The following PCDH15 variants were observed in gnomAD, a reference collection of about 807,000 sequenced individuals.
The protein encoded by PCDH15 is protocadherin-15.
In PCDH15, 129 loss-of-function variants were observed where a neutral mutation model predicts 178.5. The ratio of observed to expected loss-of-function variants is 0.72; its 90% CI spans 0.63 to 0.84. PCDH15 has a LOEUF of 0.84. Ranked by LOEUF, PCDH15 falls within the 40% of genes least tolerant of loss-of-function variation. The pLI is 0.00. For synonymous variants in PCDH15, 800 were observed against 732.0 expected (o/e 1.09, Z -1.50); for missense variants, 2,230 against 2,099.9 (o/e 1.06, Z -1.21).
chr10:54,067,651 G>A (rs191874779), intron 17 of PCDH15, among the ~76,000 whole-genome samples: 9 of 152,262 alleles, frequency 5.9e-5, no homozygotes, highest in African/African-American at 1.4e-4. Context: ...ACCTAGCTCT[G>A]TCACAGTGTG....
chr10:54,864,398 CA>C (rs1335642755), intron 3 of PCDH15, among the ~76,000 whole-genome samples: 14 of 151,792 alleles, frequency 9.2e-5, no homozygotes, highest in Middle Eastern at 3.4e-3. Context: ...TGTTGAATAC[CA>C]TAATATGGTA....
At chr10:53,822,134 C>T (rs771346976) in intron 32 of PCDH15, 9 of 1,614,008 alleles carry the variant, frequency 5.6e-6, no homozygotes, top group South Asian at 1.1e-5. Flanking sequence ...TTGTTGATAG[C>T]TGTGTCATAG....
intron 1 of PCDH15, among the ~76,000 whole-genome samples, chr10:55,263,401 C>A (rs1842197419): frequency 6.6e-6 from 1 of 152,160 alleles, no homozygotes; most frequent in Admixed American, 6.5e-5. Flanking sequence ...CCTAGAGGTG[C>A]CACCTATGCC....
chr10:55,086,685 G>T (rs1168950304), intron 2 of PCDH15, among the ~76,000 whole-genome samples: 1 of 152,018 alleles, frequency 6.6e-6, no homozygotes, highest in African/African-American at 2.4e-5. Context: ...ATGGAATTCT[G>T]TGAACATGAA....
intron 2 of PCDH15, among the ~76,000 whole-genome samples, chr10:55,132,565 T>C (rs1272225871): frequency 1.3e-5 from 2 of 152,166 alleles, no homozygotes; most frequent in African/African-American, 4.8e-5. Flanking sequence ...TACAACTTCA[T>C]ACTTACAAAT....
intron 20 of PCDH15, among the ~76,000 whole-genome samples, chr10:54,001,845 A>G (rs2092152732): frequency 1.3e-5 from 2 of 152,030 alleles, no homozygotes; most frequent in Non-Finnish European, 2.9e-5. Flanking sequence ...TTCACCTATA[A>G]AGACACACAT....
At chr10:54,235,268 ATAG>A (rs772286060) in intron 9 of PCDH15, among the ~76,000 whole-genome samples, 9 of 152,328 alleles carry the variant, frequency 5.9e-5, no homozygotes, top group Admixed American at 1.3e-4. Context: ...CTTACTTATT[ATAG>A]TAAATGTTTA....
At chr10:55,579,534 T>C (rs566525833) in intron 2 of PCDH15, among the ~76,000 whole-genome samples, 1 of 152,326 alleles carries the variant, frequency 6.6e-6, no homozygotes, top group East Asian at 1.9e-4. Context: ...TCCTCAAGAT[T>C]CTAACTAGAC....
chr10:54,067,828 T>TA (rs1325519306), intron 17 of PCDH15, among the ~76,000 whole-genome samples: 1 of 152,148 alleles, frequency 6.6e-6, no homozygotes, highest in East Asian at 1.9e-4. Context: ...ACCTTTTGTT[T>TA]AAAAAAATGC....
intron 2 of PCDH15, among the ~76,000 whole-genome samples, chr10:55,538,136 G>T (rs181582015): frequency 2.6e-5 from 4 of 152,218 alleles, no homozygotes; most frequent in Admixed American, 2.0e-4. Flanking sequence ...CAGCCTGCAG[G>T]ATCACAGATG....
chr10:53,847,313 A>T (rs2078038189), intron 28 of PCDH15, among the ~76,000 whole-genome samples: 1 of 152,092 alleles, frequency 6.6e-6, no homozygotes, highest in Admixed American at 6.5e-5. Flanking sequence ...CTAGCATCAT[A>T]GAGAGTTCCA....
chr10:53,997,182 G>A (rs1014653991), intron 20 of PCDH15, among the ~76,000 whole-genome samples: 21 of 152,094 alleles, frequency 1.4e-4, no homozygotes, highest in African/African-American at 4.8e-4. Flanking sequence ...TTGAAATACA[G>A]TATTCACCAT....
At chr10:54,597,420 C>T (rs1322860169) in intron 2 of PCDH15, among the ~76,000 whole-genome samples, 2 of 151,982 alleles carry the variant, frequency 1.3e-5, no homozygotes, top group African/African-American at 2.4e-5. Flanking sequence ...ATATAATATA[C>T]CAGAATCTCT....
At chr10:55,461,369 G>A (rs981536597) in intron 2 of PCDH15, among the ~76,000 whole-genome samples, 1 of 152,094 alleles carries the variant, frequency 6.6e-6, no homozygotes, top group Non-Finnish European at 1.5e-5. Flanking sequence ...TTTTAGCCAG[G>A]ATGGCTTTCA....
intron 8 of PCDH15, among the ~76,000 whole-genome samples, chr10:54,308,084 A>G (rs2060663476): frequency 1.3e-5 from 2 of 152,094 alleles, no homozygotes; most frequent in African/African-American, 4.8e-5. Context: ...AGTAAGCAAC[A>G]TACCCAACAT....
At chr10:54,831,778 C>CA (rs976491247) in intron 3 of PCDH15, among the ~76,000 whole-genome samples, 7 of 151,464 alleles carry the variant, frequency 4.6e-5, no homozygotes, top group South Asian at 2.1e-4. Context: ...ATTTTACTAC[C>CA]AAAAAAACAC....
chr10:54,417,347 T>C (rs1276906055), intron 3 of PCDH15, among the ~76,000 whole-genome samples: 1 of 152,068 alleles, frequency 6.6e-6, no homozygotes, highest in Non-Finnish European at 1.5e-5. Context: ...ACAGAAGAGG[T>C]CTGAGATCTT....
intron 5 of PCDH15, among the ~76,000 whole-genome samples, chr10:54,361,128 A>G (rs1005371879): frequency 1.1e-4 from 16 of 152,046 alleles, no homozygotes; most frequent in African/African-American, 3.9e-4. Flanking sequence ...GGATTCATGT[A>G]TATACCAAAA....
rs571701318 is a variant in PCDH15, at chr10:54,739,389, G to C, written c.-29+61536C>G. On this transcript the variant is annotated intron_variant, in intron 1 of 37. Coordinates refer to ENST00000644397, the MANE Select transcript of PCDH15 (RefSeq NM_001384140.1). ...CCAAAAAAGTGCAAGATCTTTACTG[G>C]AAAACTGGAAAAGATTGATAAAATA... Among the ~76,000 whole-genome samples the C allele has an allele frequency of 5.3e-5, 8 of 151,830 alleles. No individual in the cohort carries two copies. In the South Asian group the frequency reaches 1.2e-3, roughly 24 times the overall value.
Sources: allele counts gnomAD v4.1 joint callset (sites outside exome capture counted in the v4.1 genomes callset), GRCh38; gene constraint gnomAD v4.1.1; transcripts MANE v1.5; gene names NCBI Gene and HGNC (gene_info 2026-07-23, HGNC 2026-07-21).